The following HMCN1 variants were observed in gnomAD, a reference collection of about 807,000 sequenced individuals.
The protein encoded by HMCN1 is hemicentin-1.
A neutral mutation model predicts 625.9 loss-of-function variants in HMCN1; 321 were observed. The ratio of observed to expected loss-of-function variants is 0.51; its 90% confidence interval spans 0.47 to 0.56. HMCN1 has a LOEUF of 0.56. HMCN1 is among the 20% of genes least tolerant of loss of function. The probability of loss-of-function intolerance (pLI) is 0.00; values close to 1 mark genes in which losing one functional copy is unlikely to be tolerated. For synonymous variants in HMCN1, 2,425 were observed against 2,417.6 expected, an observed-to-expected ratio of 1.00 and a Z score of -0.09; for missense variants, 6,588 against 6,887.3, an observed-to-expected ratio of 0.96 and a Z score of 1.54.
chr1:186,127,999 C>G (rs914658402), intron 82 of HMCN1, 79 bp from the exon 83 acceptor site: 8 of 1,203,504 alleles, frequency 6.6e-6, no homozygotes, highest in Admixed American at 3.7e-5. Context: ...TCTTGAGGGC[C>G]TAGCTATGCA....
At position 186,067,917 on chromosome 1, in the gene HMCN1, T is replaced by G; in HGVS notation, c.7789T>G (p.Cys2597Gly). The change falls in exon 50 of 107, where the codon TGT becomes GGT. Residue 2597 changes from cysteine (C) to glycine (G), a missense_variant. By Grantham distance (159) the Cys-to-Gly change is radical. Coordinates refer to ENST00000271588, the MANE Select transcript of HMCN1 (RefSeq NM_031935.3). ...VILNSPTSLV[C>G]EAYSYPPATI... Reference sequence around the variant, plus strand: ...CCTTAACAGCCCTACATCTTTGGTCTGTGAAGCTTATTCATATCCTCCAGC... The same window carrying G: ...CCTTAACAGCCCTACATCTTTGGTCGGTGAAGCTTATTCATATCCTCCAGC... 1 of 1,613,422 alleles carries G rather than the reference T, an allele frequency of 6.2e-7. No individual in the cohort carries two copies. Among genetic ancestry groups the G allele is most frequent in the South Asian group, 1.1e-5 (1 of 91,070 alleles).
intron 1 of HMCN1, among the ~76,000 whole-genome samples, chr1:185,827,579 T>G (rs929936542): frequency 1.3e-5 from 2 of 151,612 alleles, no homozygotes; most frequent in African/African-American, 4.8e-5. Flanking sequence ...AAAGAGAAAT[T>G]TAAGAGTTTT....
intron 12 of HMCN1, among the ~76,000 whole-genome samples, chr1:185,963,071 T>C (rs1025333710): frequency 2.0e-5 from 3 of 152,190 alleles, no homozygotes; most frequent in Non-Finnish European, 2.9e-5. Flanking sequence ...TAAAATGTGT[T>C]CAGACATTCT....
At chr1:186,085,595 G>A (rs921619605) in intron 57 of HMCN1, among the ~76,000 whole-genome samples, 1 of 152,026 alleles carries the variant, frequency 6.6e-6, no homozygotes, top group African/African-American at 2.4e-5. Context: ...GTTCATAACA[G>A]CCCCCTCTCA....
intron 4 of HMCN1, among the ~76,000 whole-genome samples, chr1:185,896,628 CAG>C (rs1264557860): frequency 1.2e-4 from 19 of 152,042 alleles, no homozygotes; most frequent in African/African-American, 4.6e-4. Flanking sequence ...AGCAGAGAAA[CAG>C]AAAGATCCTT....
At chr1:185,902,405 C>CTCTGTCTG (rs1553256293) in intron 4 of HMCN1, among the ~76,000 whole-genome samples, 1 of 145,358 alleles carries the variant, frequency 6.9e-6, no homozygotes, top group African/African-American at 2.6e-5. Context: ...ATCTATCTAT[C>CTCTGTCTG]TCTATCTATC....
In HMCN1 at chr1:186,063,096, A is replaced by ATATATATATATATATATATATATG. The variant is rs1185102259; in HGVS notation, c.7513+503_7513+504insATATATATATATATATGTATATAT. 3.6e-4 allele frequency among the ~76,000 whole-genome samples: 41 copies of ATATATATATATATATATATATATG among 115,390 alleles called. 2 individuals are homozygous for ATATATATATATATATATATATATG. The highest frequency in any genetic ancestry group is 1.4e-3 in the African/African-American group (37 of 26,212). 75.7% of individuals were successfully genotyped at this position (115,390 alleles called of 152,430 possible). A position where few individuals can be genotyped will look rare whatever the true frequency, so the allele number is the denominator to read the frequency against. On this transcript the variant is annotated intron_variant, in intron 48 of 106. Transcript: ENST00000271588. ...TATATATATATATATATATATATATATATATATCACATTTTCATTACCCAA... is the reference window on the plus strand; with the variant it reads ...TATATATATATATATATATATATATATATATATATATATATATATATATGTATATATCACATTTTCATTACCCAA...
At chr1:185,983,219 A>T (rs1469311413) in intron 18 of HMCN1, among the ~76,000 whole-genome samples, 1 of 151,968 alleles carries the variant, frequency 6.6e-6, no homozygotes, top group Non-Finnish European at 1.5e-5. Context: ...GTTCTATGAA[A>T]TTTTTTCTGT....
Position 186,086,472 on chromosome 1 carries a change from T to G in HMCN1, c.9046+65T>G, listed in dbSNP as rs550500921. 1.4e-3 allele frequency: 2,057 copies of G among 1,494,840 alleles called. 6 individuals are homozygous for G. Among genetic ancestry groups the G allele is most frequent in the Non-Finnish European group, 1.8e-3 (1,970 of 1,078,322 alleles). The allele number at this position is 1,494,840 out of a possible 1,614,324, so 92.6% of individuals were successfully genotyped here. The stretch of plus-strand genomic sequence containing the variant: ...ATCTTTATTTTAATACAAACAGCAT[T>G]TCAAATTAGTGTATTTCCAAACTTT... On this transcript the variant is annotated intron_variant, in intron 58 of 106. Transcript: ENST00000271588.
chr1:185,821,386 T>C (rs1030404793), intron 1 of HMCN1, among the ~76,000 whole-genome samples: 1 of 152,114 alleles, frequency 6.6e-6, no homozygotes, highest in Non-Finnish European at 1.5e-5. Flanking sequence ...AATTGTCTTA[T>C]TGGTAGAAAG....
intron 1 of HMCN1, among the ~76,000 whole-genome samples, chr1:185,829,307 G>T (rs964790561): frequency 6.6e-6 from 1 of 151,864 alleles, no homozygotes; most frequent in African/African-American, 2.4e-5. Flanking sequence ...AAATAAAAGG[G>T]GGATACGTGT....
chr1:186,130,826 C>T, intron 85 of HMCN1, 129 bp downstream of exon 85: 1 of 895,438 alleles, frequency 1.1e-6, no homozygotes, highest in Non-Finnish European at 1.8e-6. Context: ...CAAATAACTC[C>T]TTTTAAAAAA....
At chr1:186,035,002 C>T (rs1655724494) in intron 36 of HMCN1, among the ~76,000 whole-genome samples, 1 of 152,172 alleles carries the variant, frequency 6.6e-6, no homozygotes, top group Non-Finnish European at 1.5e-5. Flanking sequence ...GCAGCAGCGA[C>T]ATAGTCTGTC....
At position 186,130,496 on chromosome 1, in the gene HMCN1, T is replaced by C. The variant is rs1661873323; in HGVS notation, c.13040-11T>C. On this transcript the variant is annotated splice_polypyrimidine_tract_variant and intron_variant, in intron 84 of 106. Coordinates refer to ENST00000271588, the MANE Select transcript of HMCN1 (RefSeq NM_031935.3). ...ACTTTTACTTTGTACCTGTCTTATGTTGTTTTCCAGAACCTCCAGTCTTCA... is the reference window on the plus strand; with the variant it reads ...ACTTTTACTTTGTACCTGTCTTATGCTGTTTTCCAGAACCTCCAGTCTTCA... 6.2e-7 allele frequency: 1 copy of C among 1,611,820 alleles called. No homozygotes were observed. Among genetic ancestry groups the C allele is most frequent in the East Asian group, 2.2e-5 (1 of 44,856 alleles).
At position 186,001,286 on chromosome 1, in the gene HMCN1, C is replaced by G; in HGVS notation, c.4070-12C>G. ...ATGAAACTAGCTAGCTATGACTCCT[C>G]TCTTTTTGCAGTTCCTCCAGTAATT... is the stretch of plus-strand genomic sequence containing the variant. On this transcript the variant is annotated splice_polypyrimidine_tract_variant and intron_variant, in intron 26 of 106. Transcript: ENST00000271588. The G allele has an allele frequency of 6.2e-7, 1 of 1,608,656 alleles. No individual in the cohort carries two copies. Among genetic ancestry groups the G allele is most frequent in the Non-Finnish European group, 8.5e-7 (1 of 1,175,960 alleles).
At chr1:186,095,621 A>AT (rs1660100312) in intron 68 of HMCN1, 100 bp downstream of exon 68, 86 of 1,307,864 alleles carry the variant, frequency 6.6e-5, no homozygotes, top group Non-Finnish European at 7.7e-5. Context: ...CTGTGAGAGA[A>AT]TTTTTTAAAA....
chr1:185,974,181 G>A (rs920339912), intron 15 of HMCN1, among the ~76,000 whole-genome samples: 1 of 152,022 alleles, frequency 6.6e-6, no homozygotes, highest in Non-Finnish European at 1.5e-5. Context: ...GATCTCAGAG[G>A]ATCAAACATC....
intron 96 of HMCN1, 113 bp from the exon 97 acceptor site, chr1:186,153,637 G>GT: frequency 2.3e-6 from 2 of 860,986 alleles, no homozygotes; most frequent in Admixed American, 3.4e-5. Flanking sequence ...CATGATGTGT[G>GT]TTTTTTAGCT....
At chr1:186,062,026 G>A in intron 47 of HMCN1, 62 bp downstream of exon 47, 3 of 1,055,320 alleles carry the variant, frequency 2.8e-6, no homozygotes, top group East Asian at 4.8e-5. Context: ...TGGAAGCAGA[G>A]TTAAAATTTA....
Sources: allele counts gnomAD v4.1 joint callset (sites outside exome capture counted in the v4.1 genomes callset), GRCh38; gene constraint gnomAD v4.1.1; transcripts MANE v1.5; gene names NCBI Gene and HGNC (gene_info 2026-07-23, HGNC 2026-07-21).